Variants in CDH15 observed in about 807,000 individuals in gnomAD.
CDH15 encodes cadherin-15.
A neutral mutation model predicts 69.4 loss-of-function variants in CDH15; 73 were observed. The observed-to-expected ratio is 1.05, with a 90% CI of 0.87 to 1.28. The LOEUF is 1.28. Among genes scored for constraint, CDH15 ranks in the 50% most tolerant of loss-of-function variants. The pLI, the probability that CDH15 is intolerant of heterozygous loss-of-function variation, is 0.00. For synonymous variants in CDH15, 624 were observed against 507.7 expected (o/e 1.23, Z -3.08); for missense variants, 1,343 against 1,133.6 (o/e 1.18, Z -2.65).
Position 89,179,568 on chromosome 16 carries a change from G to T in CDH15, c.195G>T (p.Leu65=). 1 of 1,587,592 alleles carries T rather than the reference G, an allele frequency of 6.3e-7. No individual in the cohort carries two copies. Among genetic ancestry groups the T allele is most frequent in the Non-Finnish European group, 8.6e-7 (1 of 1,164,628 alleles). The change falls in exon 2 of 14, where the codon CTG becomes CTT. Residue 65 remains leucine, a synonymous_variant. Transcript: ENST00000289746. ...ACCACAAGCGTCTCCCCTACCCCCT[G>T]GTTCAGGTGAGCAGGTGGAGGGGGC... ...SENHKRLPYP[L]VQIKSDKQQL...
chr16:89,189,972 C>A (rs1915600002), intron 7 of CDH15, among the ~76,000 whole-genome samples: 1 of 152,232 alleles, frequency 6.6e-6, no homozygotes, highest in Admixed American at 6.5e-5. Flanking sequence ...CAGGGGCTGG[C>A]GCCATCCCCC....
At chr16:89,183,259 A>T (rs923921201) in intron 3 of CDH15, 3 of 406,502 alleles carry the variant, frequency 7.4e-6, no homozygotes, top group Non-Finnish European at 1.4e-5. Context: ...GAGATTAGGA[A>T]CCCTCTGAGA....
intron 3 of CDH15, among the ~76,000 whole-genome samples, chr16:89,181,222 C>T (rs1295239006): frequency 6.6e-6 from 1 of 152,082 alleles, no homozygotes; most frequent in African/African-American, 2.4e-5. Context: ...ACACCTGGCC[C>T]CAAAATAATG....
At position 89,185,180 on chromosome 16, in the gene CDH15, T is replaced by C. The variant is rs1281067513; in HGVS notation, c.510T>C (p.Tyr170=). The C allele has an allele frequency of 6.3e-7, 1 of 1,599,406 alleles. No individual in the cohort carries two copies. Among genetic ancestry groups the C allele is most frequent in the Non-Finnish European group, 8.5e-7 (1 of 1,173,890 alleles). The change falls in exon 5 of 14, where the codon TAT becomes TAC. Residue 170 remains tyrosine, a synonymous_variant. Transcript: ENST00000289746. ...RVLEGAVPGT[Y]VTRAEATDAD... ...CCTCCCTGTGCTTCCCAGGCACCTA[T>C]GTGACCAGGGCAGAGGCCACAGATG... is the stretch of plus-strand genomic sequence containing the variant.
intron 1 of CDH15, among the ~76,000 whole-genome samples, chr16:89,178,255 G>A (rs983615395): frequency 2.0e-5 from 3 of 152,080 alleles, no homozygotes; most frequent in African/African-American, 2.4e-5. Flanking sequence ...CCTGAGGGTC[G>A]TCCCGGCCCT....
chr16:89,192,023 C>T (rs1333319532), intron 10 of CDH15, 129 bp downstream of exon 10: 3 of 1,137,950 alleles, frequency 2.6e-6, no homozygotes, highest in African/African-American at 1.5e-5. Context: ...CCCCTCCCGC[C>T]ACCCCCCCCA....
intron 7 of CDH15, among the ~76,000 whole-genome samples, chr16:89,189,660 C>G (rs1467279160): frequency 6.6e-6 from 1 of 152,246 alleles, no homozygotes; most frequent in African/African-American, 2.4e-5. Flanking sequence ...CAGCTGCACA[C>G]CTGTGTCAGT....
intron 5 of CDH15, among the ~76,000 whole-genome samples, chr16:89,186,670 C>T (rs1245566588): frequency 3.1e-4 from 32 of 102,512 alleles, no homozygotes; most frequent in South Asian, 7.0e-4. Context: ...TGTAAACGCT[C>T]ACCCAGCGCA....
intron 11 of CDH15, 121 bp downstream of exon 11, chr16:89,192,565 C>A (rs1915676839): frequency 2.6e-6 from 2 of 755,528 alleles, no homozygotes; most frequent in Admixed American, 5.3e-5. Flanking sequence ...TAACCCCGCC[C>A]CCTCATTACC....
rs775598446 is a variant in CDH15, at chr16:89,191,866, C to T, written c.1587C>T (p.Gly529=). The T allele has an allele frequency of 6.3e-7, 1 of 1,593,452 alleles. No homozygotes were observed. Among genetic ancestry groups the T allele is most frequent in the East Asian group, 2.3e-5 (1 of 44,430 alleles). The change falls in exon 10 of 14, where the codon GGC becomes GGT. Residue 529 remains glycine (G), a synonymous_variant. Coordinates refer to ENST00000289746, the MANE Select transcript of CDH15 (RefSeq NM_004933.3). ...TGAGCCCCAGGCTCCCAGAGCTCGG[C>T]CGGAACTGGAGCCTCAGCCAGGTCA... ...FQLSPRLPEL[G]RNWSLSQVNV... is the part of the protein sequence containing the mutation.
chr16:89,184,116 G>C (rs1915432281), intron 4 of CDH15, among the ~76,000 whole-genome samples: 1 of 152,186 alleles, frequency 6.6e-6, no homozygotes, highest in Non-Finnish European at 1.5e-5. Flanking sequence ...CTGGGGGCCG[G>C]TGGTAAAGAC....
At chr16:89,179,089 C>T (rs1171164308) in intron 1 of CDH15, among the ~76,000 whole-genome samples, 1 of 152,246 alleles carries the variant, frequency 6.6e-6, no homozygotes, top group Non-Finnish European at 1.5e-5. Flanking sequence ...GTGGCCCATG[C>T]ACTCGCCAGG....
intron 1 of CDH15, among the ~76,000 whole-genome samples, chr16:89,177,549 C>T (rs1915285092): frequency 6.6e-6 from 1 of 152,026 alleles, no homozygotes; most frequent in African/African-American, 2.4e-5. Flanking sequence ...ACAGACAGCT[C>T]CTAGCCAGGC....
chr16:89,193,337 T>A (rs62068505), intron 11 of CDH15, 133 bp from the exon 12 acceptor site: 3 of 399,262 alleles, frequency 7.5e-6, no homozygotes, highest in South Asian at 2.3e-5. Flanking sequence ...TTTCCCCAAC[T>A]GCCGCCCCCT....
At chr16:89,191,557 T>C in intron 9 of CDH15, 85 bp downstream of exon 9, 1 of 1,587,680 alleles carries the variant, frequency 6.3e-7, no homozygotes, top group South Asian at 1.1e-5. Flanking sequence ...GCTCTGCCCA[T>C]GTCGCCCGGG....
At chr16:89,173,400 G>A (rs1915197011) in intron 1 of CDH15, among the ~76,000 whole-genome samples, 1 of 152,190 alleles carries the variant, frequency 6.6e-6, no homozygotes, top group East Asian at 1.9e-4. Context: ...CAGGTGGGGA[G>A]GCAGGCAGGA....
At chr16:89,185,894 C>T (rs1046370123) in intron 5 of CDH15, 2 of 195,702 alleles carry the variant, frequency 1.0e-5, no homozygotes, top group East Asian at 2.7e-4. Context: ...TCTGTAAACA[C>T]CCAGCGCACA....
chr16:89,190,548 C>T (rs986705498), intron 8 of CDH15, 52 bp downstream of exon 8: 28 of 1,553,820 alleles, frequency 1.8e-5, no homozygotes, highest in African/African-American at 1.6e-4. Flanking sequence ...GGCCCCATTC[C>T]TGCTTCGGGT....
rs1915648157 is a variant in CDH15, at chr16:89,191,757, G to T, written c.1478G>T (p.Ser493Ile). The T allele has an allele frequency of 1.9e-6, 3 of 1,604,936 alleles. No individual in the cohort carries two copies. The African/African-American group carries it at 4.0e-5, about 21-fold the overall frequency. ...CCGCCGCCGCCGGGCAGCCTGTGCA[G>T]CGAGCCACACCAAGGCCCAGGCCTC... ...LAPPPPGSLC[S>I]EPHQGPGLLL... is the part of the protein sequence containing the mutation. Residue 493 changes from serine (S) to isoleucine (I), a missense_variant, in exon 10 of 14, where the codon AGC becomes ATC. By Grantham distance (142) the Ser-to-Ile change is moderately radical. Coordinates refer to ENST00000289746, the MANE Select transcript of CDH15 (RefSeq NM_004933.3).
Sources: gnomAD v4.1 joint callset for allele counts (sites outside exome capture counted in the v4.1 genomes callset) on GRCh38, gnomAD v4.1.1 for gene constraint, MANE v1.5 for transcripts, NCBI Gene and HGNC (gene_info 2026-07-23, HGNC 2026-07-21) for gene names.